The following DSCAM variants were observed in gnomAD, a reference collection of about 807,000 sequenced individuals.
DSCAM encodes cell adhesion molecule DSCAM.
DSCAM carries 47 observed loss-of-function variants against 217.7 expected under a neutral mutation model. The ratio of observed to expected loss-of-function variants is 0.22; its 90% CI spans 0.17 to 0.28. DSCAM has a LOEUF of 0.28. Ranked by LOEUF, DSCAM falls within the 10% of genes least tolerant of loss-of-function variation. The pLI, the probability that DSCAM is intolerant of heterozygous loss-of-function variation, is 1.00. For missense variants in DSCAM, 2,080 were observed against 2,618.3 expected (o/e 0.79, Z 4.49); for synonymous variants, 1,056 against 1,015.3 (o/e 1.04, Z -0.76).
At chr21:40,101,787 G>T (rs565862499) in intron 20 of DSCAM, among the ~76,000 whole-genome samples, 14 of 148,740 alleles carry the variant, frequency 9.4e-5, no homozygotes, top group Admixed American at 4.1e-4. Context: ...GGGAGGTGGT[G>T]GGGGGGGGTC....
chr21:40,410,904 A>T (rs1003323008), intron 3 of DSCAM, among the ~76,000 whole-genome samples: 1 of 152,212 alleles, frequency 6.6e-6, no homozygotes, highest in Non-Finnish European at 1.5e-5. Flanking sequence ...AAAAAATTCA[A>T]CCGATGTAAA....
chr21:40,611,898 T>A (rs1193719897), intron 3 of DSCAM, among the ~76,000 whole-genome samples: 1 of 152,158 alleles, frequency 6.6e-6, no homozygotes, highest in Non-Finnish European at 1.5e-5. Context: ...CTAAGTGACA[T>A]TTAAACAGAG....
intron 3 of DSCAM, among the ~76,000 whole-genome samples, chr21:40,518,280 G>C (rs1203594673): frequency 1.7e-5 from 2 of 118,704 alleles, no homozygotes; most frequent in Non-Finnish European, 3.5e-5. Flanking sequence ...CACAAGCCCA[G>C]TCATCTGCTG....
intron 4 of DSCAM, among the ~76,000 whole-genome samples, chr21:40,360,751 T>G (rs1393088602): frequency 6.6e-6 from 1 of 152,196 alleles, no homozygotes; most frequent in Admixed American, 6.5e-5. Flanking sequence ...TCTTTGCTAT[T>G]GTGAATAGCC....
At chr21:40,681,991 A>T (rs966389825) in intron 3 of DSCAM, among the ~76,000 whole-genome samples, 2 of 152,150 alleles carry the variant, frequency 1.3e-5, no homozygotes, top group African/African-American at 4.8e-5. Context: ...AGCCCTGCTG[A>T]CGCTGTGACT....
At chr21:40,110,680 G>A (rs1419345298) in intron 20 of DSCAM, among the ~76,000 whole-genome samples, 2 of 152,096 alleles carry the variant, frequency 1.3e-5, no homozygotes, top group Admixed American at 6.5e-5. Flanking sequence ...AAAATTAGAC[G>A]AATGGCTAAC....
At chr21:40,742,606 A>T (rs942977770) in intron 1 of DSCAM, among the ~76,000 whole-genome samples, 1 of 152,226 alleles carries the variant, frequency 6.6e-6, no homozygotes, top group Non-Finnish European at 1.5e-5. Flanking sequence ...GCAATATAAA[A>T]CTGATACATA....
At position 40,078,968 on chromosome 21, in the gene DSCAM, A is replaced by G. The variant is rs761958738; in HGVS notation, c.4430T>C (p.Phe1477Ser). 2 of 1,613,422 alleles carry G rather than the reference A, an allele frequency of 1.2e-6. No individual in the cohort carries two copies. Among genetic ancestry groups the G allele is most frequent in the Non-Finnish European group, 1.7e-6 (2 of 1,179,556 alleles). The change falls in exon 26 of 33, where the codon TTC becomes TCC. Residue 1477 changes from phenylalanine (F) to serine (S), a missense_variant. Transcript: ENST00000400454. ...EAKTLGKEPQ[F>S]SKEQELFASI... ...GGCAAACAGCTCCTGCTCCTTTGAG[A>G]ACTGGGGCTCTGGGGGAGAAGGCAC...
intron 15 of DSCAM, among the ~76,000 whole-genome samples, chr21:40,167,568 C>T (rs961782549): frequency 6.6e-6 from 1 of 152,134 alleles, no homozygotes; most frequent in Non-Finnish European, 1.5e-5. Context: ...CAATTTTGAA[C>T]AAGGGGTACA....
At chr21:40,193,842 C>T (rs2090979836) in intron 11 of DSCAM, among the ~76,000 whole-genome samples, 1 of 152,158 alleles carries the variant, frequency 6.6e-6, no homozygotes, top group Non-Finnish European at 1.5e-5. Flanking sequence ...GTTTAACACT[C>T]ACTGACTATA....
At chr21:40,803,518 C>T (rs1450808536) in intron 1 of DSCAM, among the ~76,000 whole-genome samples, 5 of 152,166 alleles carry the variant, frequency 3.3e-5, no homozygotes, top group East Asian at 1.9e-4. Context: ...TTTAGTGCTG[C>T]AACACCCTCT....
chr21:40,272,320 T>C (rs756471689), intron 11 of DSCAM, among the ~76,000 whole-genome samples: 4 of 152,180 alleles, frequency 2.6e-5, no homozygotes, highest in Admixed American at 1.3e-4. Flanking sequence ...AGAATTGTGA[T>C]GACAGTGTAG....
chr21:40,775,938 T>C (rs2091484667), intron 1 of DSCAM, among the ~76,000 whole-genome samples: 1 of 152,188 alleles, frequency 6.6e-6, no homozygotes, highest in Admixed American at 6.5e-5. Flanking sequence ...CGACTGTAGT[T>C]AGAAAGCTGG....
At chr21:40,257,740 C>T (rs1025977271) in intron 11 of DSCAM, among the ~76,000 whole-genome samples, 2 of 152,012 alleles carry the variant, frequency 1.3e-5, no homozygotes, top group African/African-American at 2.4e-5. Flanking sequence ...GACTTCCAAA[C>T]GTTAATTTTT....
chr21:40,220,739 A>T (rs1220939801), intron 11 of DSCAM, among the ~76,000 whole-genome samples: 2 of 152,196 alleles, frequency 1.3e-5, no homozygotes, highest in African/African-American at 2.4e-5. Flanking sequence ...CAGATGCAGG[A>T]CACAATTTAT....
chr21:40,514,372 T>G (rs1435013722), intron 3 of DSCAM, among the ~76,000 whole-genome samples: 1 of 152,204 alleles, frequency 6.6e-6, no homozygotes, highest in African/African-American at 2.4e-5. Context: ...CATCACCCTT[T>G]TTCCTCTTAA....
Position 40,085,853 on chromosome 21 carries a change from G to T in DSCAM, c.3969-88C>A, listed in dbSNP as rs1479879270. 1.9e-5 allele frequency: 22 copies of T among 1,178,094 alleles called. No homozygotes were observed. The Admixed American group carries it at 4.7e-4, about 25-fold the overall frequency. The allele number at this position is 1,178,094 out of a possible 1,614,324, so 73.0% of individuals were successfully genotyped here. On this transcript the variant is annotated intron_variant, in intron 22 of 32. Coordinates refer to ENST00000400454, the MANE Select transcript of DSCAM (RefSeq NM_001389.5). ...GGGAAAAACAGAAAGACTCTGTGAA[G>T]CAAACCACACATTTGGAAGCTTCAT...
At chr21:40,818,015 G>A (rs1220992908) in intron 1 of DSCAM, among the ~76,000 whole-genome samples, 1 of 147,786 alleles carries the variant, frequency 6.8e-6, no homozygotes, top group Non-Finnish European at 1.5e-5. Flanking sequence ...AGAATGGCGT[G>A]AACCCGGGAG....
intron 3 of DSCAM, among the ~76,000 whole-genome samples, chr21:40,590,285 T>G (rs2837727): frequency 0.049 from 7,494 of 152,320 alleles, 230 homozygotes; most frequent in Middle Eastern, 0.14. Context: ...AAGATTCGAA[T>G]ATCCCCTATT....
Sources: gnomAD v4.1 joint callset for allele counts (sites outside exome capture counted in the v4.1 genomes callset) on GRCh38, gnomAD v4.1.1 for gene constraint, MANE v1.5 for transcripts, NCBI Gene and HGNC (gene_info 2026-07-23, HGNC 2026-07-21) for gene names.